FLG: variants seen among roughly 807,000 people sequenced by gnomAD.
FLG encodes epidermal filaggrin.
In FLG, 6 loss-of-function variants were observed where a neutral mutation model predicts 3.8. The ratio of observed to expected loss-of-function variants is 1.60; its 90% confidence interval spans 0.87 to 3.15. FLG has a LOEUF of 3.15. FLG is among the 30% of genes most tolerant of loss of function. FLG has a pLI of 0.00. For synonymous variants in FLG, 2,551 were observed against 1,931.6 expected (o/e 1.32, Z -8.41); for missense variants, 7,595 against 5,050.9 (o/e 1.50, Z -15.27).
In FLG at chr1:152,309,084, C is replaced by G. The variant is rs771654200; in HGVS notation, c.5802G>C (p.Trp1934Cys). 5.6e-6 allele frequency: 9 copies of G among 1,614,114 alleles called. No individual in the cohort carries two copies. In the East Asian group the frequency reaches 1.6e-4, roughly 28 times the overall value. ...GATGGTTTCTGGAAGCAGACCCAGA[C>G]CACCTCTCAGAGTCTTCTGAGTGTC... is the stretch of plus-strand genomic sequence containing the variant. ...SQGHSEDSER[W>C]SGSASRNHLG... The change falls in exon 3 of 3, where the codon TGG becomes TGC. Residue 1934 changes from tryptophan (W) to cysteine (C), a missense_variant. Coordinates refer to ENST00000368799, the MANE Select transcript of FLG (RefSeq NM_002016.2).
rs899489905 is a variant in FLG, at chr1:152,302,302, G to A, written c.*398C>T. 4.4e-6 allele frequency: 1 copy of A among 225,018 alleles called. No individual in the cohort carries two copies. Among genetic ancestry groups the A allele is most frequent in the Admixed American group, 5.2e-5 (1 of 19,150 alleles). 13.9% of individuals were successfully genotyped at this position (225,018 alleles called of 1,614,324 possible). A position where few individuals can be genotyped will look rare whatever the true frequency, so the allele number is the denominator to read the frequency against. On this transcript the variant is annotated 3_prime_UTR_variant, in exon 3 of 3. Transcript: ENST00000368799. ...AGAAAGATGTGCTAGCCCTGATGTT[G>A]ATATAGCCACTTTGGTATACAGAAC...
rs139466209 is a variant in FLG, at chr1:152,312,309, T to A, written c.2577A>T (p.Gln859His). The A allele has an allele frequency of 2.0e-5, 33 of 1,613,262 alleles. No homozygotes were observed. Among genetic ancestry groups the A allele is most frequent in the South Asian group, 1.5e-4 (14 of 91,038 alleles). Residue 859 changes from glutamine (Q) to histidine (H), a missense_variant, in exon 3 of 3, where the codon CAA becomes CAT. Transcript: ENST00000368799. ...RRGRQGSHHE[Q>H]SVDRSGHSGS... Reference sequence around the variant, plus strand: ...CTGAGTGTCCAGACCTATCTACCGATTGCTCGTGGTGGGACCCCTGCCTTC... The same window carrying A: ...CTGAGTGTCCAGACCTATCTACCGAATGCTCGTGGTGGGACCCCTGCCTTC...
At position 152,314,744 on chromosome 1, in the gene FLG, G is replaced by T; in HGVS notation, c.142C>A (p.Pro48Thr). Residue 48 changes from proline (P) to threonine (T), a missense_variant, in exon 3 of 3, where the codon CCA becomes ACA. Transcript: ENST00000368799. Reference sequence around the variant, plus strand: ...ACATCAACCATATCTGGGTCATCTGGATTCTGTACAGAGGGAAGTCACAGA... The same window carrying T: ...ACATCAACCATATCTGGGTCATCTGTATTCTGTACAGAGGGAAGTCACAGA... ...EKEFRQILKN[P>T]DDPDMVDVFM... is the part of the protein sequence containing the mutation. The T allele has an allele frequency of 6.2e-7, 1 of 1,613,708 alleles. No individual in the cohort carries two copies. Among genetic ancestry groups the T allele is most frequent in the Non-Finnish European group, 8.5e-7 (1 of 1,179,698 alleles).
rs1173027139 is a variant in FLG, at chr1:152,311,100, T to G, written c.3786A>C (p.Thr1262=). The G allele has an allele frequency of 6.2e-7, 1 of 1,613,820 alleles. No individual in the cohort carries two copies. The highest frequency in any genetic ancestry group is 1.3e-5 in the African/African-American group (1 of 74,854). ...TAACACTGGATCCCTGGTGCCTGCT[T>G]GTCCTGGACCCCGATGATTGTTCCT... ...VGQEQSSGSR[T]SRHQGSSVSQ... Residue 1262 remains threonine (T), a synonymous_variant, in exon 3 of 3, where the codon ACA becomes ACC. Coordinates refer to ENST00000368799, the MANE Select transcript of FLG (RefSeq NM_002016.2).
intron 2 of FLG, 152 bp from the exon 3 acceptor site, chr1:152,314,899 C>CT: frequency 1.2e-6 from 1 of 850,812 alleles, no homozygotes; most frequent in Non-Finnish European, 1.8e-6. Context: ...GTCTCATCCT[C>CT]ATTCAGGTGT....
At chr1:152,314,937 A>T in intron 2 of FLG, 190 bp from the exon 3 acceptor site, 1 of 625,942 alleles carries the variant, frequency 1.6e-6, no homozygotes, top group Non-Finnish European at 2.7e-6. Context: ...GTAGACTAGT[A>T]AGGTATCAAG....
In FLG at chr1:152,312,241, G is replaced by C. The variant is rs369239278; in HGVS notation, c.2645C>G (p.Ala882Gly). The C allele has an allele frequency of 2.2e-5, 35 of 1,613,846 alleles. No homozygotes were observed. In the African/African-American group the frequency reaches 4.3e-4, roughly 20 times the overall value. ...TCTGGATCCTGACTGCCCACGGGAGGCATCAGACCTTCCCTGGGATGTGGT... is the reference window on the plus strand; with the variant it reads ...TCTGGATCCTGACTGCCCACGGGAGCCATCAGACCTTCCCTGGGATGTGGT... ...SHTTSQGRSD[A>G]SRGQSGSRSA... is the part of the protein sequence containing the mutation. Residue 882 changes from alanine (A) to glycine (G), a missense_variant, in exon 3 of 3, where the codon GCC (alanine) becomes GGC (glycine). Ala to Gly is a moderately conservative substitution (Grantham distance 60, BLOSUM62 0). Transcript: ENST00000368799.
At chr1:152,320,169 G>C (rs572924716) in intron 1 of FLG, among the ~76,000 whole-genome samples, 2 of 151,108 alleles carry the variant, frequency 1.3e-5, no homozygotes, top group African/African-American at 4.8e-5. Context: ...TAATTAACTG[G>C]TAAATATTAA....
chr1:152,313,694 A>C lies in FLG; in HGVS notation c.1192T>G (p.Ser398Ala), dbSNP rs1652625301. The C allele has an allele frequency of 6.2e-7, 1 of 1,613,746 alleles. No individual in the cohort carries two copies. Among genetic ancestry groups the C allele is most frequent in the Admixed American group, 1.7e-5 (1 of 59,978 alleles). ...GAAGCTTGCCCGCGCCCAGTGGCTG[A>C]GTGTCTGGAGCTGTCTGCTGACTGC... is the stretch of plus-strand genomic sequence containing the variant. ...HQQSADSSRH[S>A]ATGRGQASSA... The change falls in exon 3 of 3, where the codon TCA (serine) becomes GCA (alanine). Residue 398 changes from serine (S) to alanine (A), a missense_variant. Coordinates refer to ENST00000368799, the MANE Select transcript of FLG (RefSeq NM_002016.2).
In FLG at chr1:152,302,749, G is replaced by C; in HGVS notation, c.12137C>G (p.Ser4046Trp). 1 of 1,613,896 alleles carries C rather than the reference G, an allele frequency of 6.2e-7. No homozygotes were observed. The highest frequency in any genetic ancestry group is 8.5e-7 in the Non-Finnish European group (1 of 1,179,944). Reference protein sequence around the residue: ...PGLCGHSSDISKQLGFSQSQR... With the variant: ...PGLCGHSSDIWKQLGFSQSQR... ...TGACTGACTAAATCCCAGTTGTTTC[G>C]ATATATCACTAGAATGGCCACATAA... The change falls in exon 3 of 3, where the codon TCG (serine) becomes TGG (tryptophan). Residue 4046 changes from serine to tryptophan, a missense_variant. Coordinates refer to ENST00000368799, the MANE Select transcript of FLG (RefSeq NM_002016.2).
Position 152,305,047 on chromosome 1 carries a change from T to C in FLG, c.9839A>G (p.Glu3280Gly). 2 of 1,614,018 alleles carry C rather than the reference T, an allele frequency of 1.2e-6. No individual in the cohort carries two copies. The highest frequency in any genetic ancestry group is 1.7e-6 in the Non-Finnish European group (2 of 1,179,998). The change falls in exon 3 of 3, where the codon GAG becomes GGG. Residue 3280 changes from glutamate (E) to glycine (G), a missense_variant. Physicochemically the swap from Glu to Gly is moderately conservative, Grantham distance 98. Coordinates refer to ENST00000368799, the MANE Select transcript of FLG (RefSeq NM_002016.2). ...RSRQSGTRHA[E>G]TSSGGQAASS... is the part of the protein sequence containing the mutation. ...TGCAGCCTGTCCACCAGAGGAAGTCTCTGCGTGACGAGTGCCTGATTGTCT... is the reference window on the plus strand; with the variant it reads ...TGCAGCCTGTCCACCAGAGGAAGTCCCTGCGTGACGAGTGCCTGATTGTCT...
intron 2 of FLG, 135 bp from the exon 3 acceptor site, chr1:152,314,882 C>CT (rs1394440698): frequency 9.4e-7 from 1 of 1,065,786 alleles, no homozygotes; most frequent in Non-Finnish European, 1.4e-6. Context: ...TTTTTTAAGA[C>CT]TTTTTTGTCT....
Position 152,310,510 on chromosome 1 carries a change from G to T in FLG, c.4376C>A (p.Ala1459Glu), listed in dbSNP as rs759936037. 2 of 1,613,724 alleles carry T rather than the reference G, an allele frequency of 1.2e-6. No homozygotes were observed. Among genetic ancestry groups the T allele is most frequent in the South Asian group, 2.2e-5 (2 of 91,052 alleles). Residue 1459 changes from alanine (A) to glutamate (E), a missense_variant, in exon 3 of 3, where the codon GCA (alanine) becomes GAA (glutamate). Ala to Glu is a moderately radical substitution (Grantham distance 107, BLOSUM62 -1). Transcript: ENST00000368799. ...TCCTTGTCTTCCTCCAGTGCTGGGTGCAGTCTGTCCGTGTGTGGACTCAGA... is the reference window on the plus strand; with the variant it reads ...TCCTTGTCTTCCTCCAGTGCTGGGTTCAGTCTGTCCGTGTGTGGACTCAGA... ...EQSESTHGQT[A>E]PSTGGRQGSR... is the part of the protein sequence containing the mutation.
chr1:152,309,271 T>G lies in FLG; in HGVS notation c.5615A>C (p.Lys1872Thr), dbSNP rs1652218462. The G allele has an allele frequency of 6.2e-7, 1 of 1,613,776 alleles. No homozygotes were observed. The highest frequency in any genetic ancestry group is 1.7e-5 in the Admixed American group (1 of 59,992). The part of the protein sequence containing the change: ...RSVSRQTRNE[K>T]QSGDGSRHSG... ...GTGCCTGGAGCCGTCTCCTGATTGT[T>G]TCTCATTACGTGTTTGTCTGCTGAC... The change falls in exon 3 of 3, where the codon AAA becomes ACA. Residue 1872 changes from lysine (K) to threonine (T), a missense_variant. Lys to Thr is a moderately conservative substitution (Grantham distance 78, BLOSUM62 -1). Coordinates refer to ENST00000368799, the MANE Select transcript of FLG (RefSeq NM_002016.2).
At position 152,302,797 on chromosome 1, in the gene FLG, G is replaced by T. The variant is rs76330665; in HGVS notation, c.12089C>A (p.Thr4030Lys). The T allele has an allele frequency of 1.8e-3, 2,918 of 1,614,046 alleles. 52 individuals carry two copies. In the African/African-American group the frequency reaches 0.034, roughly 19 times the overall value. Reference protein sequence around the residue: ...FGKDHPRYYATYINKDPGLCG... With the variant: ...FGKDHPRYYAKYINKDPGLCG... ...TAAACCTGGGTCCTTATTAATATAC[G>T]TTGCATAATACCTTGGATGATCTTT... Residue 4030 changes from threonine to lysine, a missense_variant, in exon 3 of 3, where the codon ACG becomes AAG. Transcript: ENST00000368799.
Position 152,304,311 on chromosome 1 carries a change from T to C in FLG, c.10575A>G (p.Gln3525=). ...TCCTGCTTGTCCTGGGCCCCGCTGA[T>C]TGTCCCTGGCCGGACTGTGAGTGTC... ...SSRHSQSGQG[Q]SAGPRTSRNQ... The change falls in exon 3 of 3, where the codon CAA becomes CAG. Residue 3525 remains glutamine (Q), a synonymous_variant. Coordinates refer to ENST00000368799, the MANE Select transcript of FLG (RefSeq NM_002016.2). 1 of 1,612,226 alleles carries C rather than the reference T, an allele frequency of 6.2e-7. No homozygotes were observed. The highest frequency in any genetic ancestry group is 8.5e-7 in the Non-Finnish European group (1 of 1,179,056).
At position 152,305,005 on chromosome 1, in the gene FLG, G is replaced by C. The variant is rs750013989; in HGVS notation, c.9881C>G (p.Ala3294Gly). The stretch of plus-strand genomic sequence containing the variant: ...GTGTCTCTCTCCTGGACTTGATCTT[G>C]CCTGTTCATGGGATGATGCAGCCTG... ...GGQAASSHEQ[A>G]RSSPGERHGS... is the part of the protein sequence containing the mutation. The change falls in exon 3 of 3, where the codon GCA becomes GGA. Residue 3294 changes from alanine to glycine, a missense_variant. Transcript: ENST00000368799. 3.1e-6 allele frequency: 5 copies of C among 1,613,890 alleles called. No homozygotes were observed. The highest frequency in any genetic ancestry group is 1.3e-5 in the African/African-American group (1 of 74,988).
chr1:152,309,223 G>T lies in FLG; in HGVS notation c.5663C>A (p.Ala1888Asp). Residue 1888 changes from alanine to aspartate, a missense_variant, in exon 3 of 3, where the codon GCT (alanine) becomes GAT (aspartate). Transcript: ENST00000368799. ...SRHSGSRHHE[A>D]SSRADSSRHS... is the part of the protein sequence containing the mutation. ...TCTAGAGCTGTCGGCCCGAGAGGAAGCTTCATGGTGACGCGACCCTGAGTG... is the reference window on the plus strand; with the variant it reads ...TCTAGAGCTGTCGGCCCGAGAGGAATCTTCATGGTGACGCGACCCTGAGTG... 2 of 1,613,668 alleles carry T rather than the reference G, an allele frequency of 1.2e-6. No individual in the cohort carries two copies. The highest frequency in any genetic ancestry group is 8.5e-7 in the Non-Finnish European group (1 of 1,179,924).
rs574545167 is a variant in FLG, at chr1:152,310,839, T to G, written c.4047A>C (p.Ala1349=). Residue 1349 remains alanine, a synonymous_variant, in exon 3 of 3, where the codon GCA becomes GCC. Coordinates refer to ENST00000368799, the MANE Select transcript of FLG (RefSeq NM_002016.2). Reference sequence around the variant, plus strand: ...CATGTCTTTCTCCTGGACTTGATCTTGCCTGTTCATGGGATGACACAGCCT... The same window carrying G: ...CATGTCTTTCTCCTGGACTTGATCTGGCCTGTTCATGGGATGACACAGCCT... ...HGQAVSSHEQ[A]RSSPGERHGS... The G allele has an allele frequency of 6.2e-7, 1 of 1,611,892 alleles. No individual in the cohort carries two copies. The highest frequency in any genetic ancestry group is 1.1e-5 in the South Asian group (1 of 90,944).
Sources: allele counts gnomAD v4.1 joint callset (sites outside exome capture counted in the v4.1 genomes callset), GRCh38; gene constraint gnomAD v4.1.1; transcripts MANE v1.5; gene names NCBI Gene and HGNC (gene_info 2026-07-23, HGNC 2026-07-21).